WDR70: variants seen among roughly 807,000 people sequenced by gnomAD.
WDR70 encodes the protein WD repeat domain 70.
WDR70 carries 53 observed loss-of-function variants against 88.6 expected under a neutral mutation model. The ratio of observed to expected loss-of-function variants is 0.60; its 90% CI spans 0.48 to 0.75. The LOEUF (loss-of-function observed/expected upper bound fraction) is 0.75, where lower values mean the gene tolerates loss of function less well. Ranked by LOEUF, WDR70 falls within the 30% of genes least tolerant of loss-of-function variation. WDR70 has a pLI of 0.00. For missense variants in WDR70, 610 were observed against 823.2 expected, an observed-to-expected ratio of 0.74 and a Z score of 3.17; for synonymous variants, 280 against 270.0, an observed-to-expected ratio of 1.04 and a Z score of -0.36.
At chr5:37,602,518 A>G (rs1192591884) in intron 9 of WDR70, among the ~76,000 whole-genome samples, 3 of 151,756 alleles carry the variant, frequency 2.0e-5, no homozygotes, top group African/African-American at 7.3e-5. Flanking sequence ...GAGGCGGGAA[A>G]ATCACTTAAA....
intron 11 of WDR70, among the ~76,000 whole-genome samples, chr5:37,698,822 C>T (rs1044803482): frequency 1.3e-5 from 2 of 152,150 alleles, no homozygotes; most frequent in African/African-American, 4.8e-5. Context: ...GGAAACTTTA[C>T]TGTTGTATCT....
At position 37,724,963 on chromosome 5, in the gene WDR70, C is replaced by T. The variant is rs777475551; in HGVS notation, c.1627C>T (p.Arg543Cys). The T allele has an allele frequency of 6.2e-6, 10 of 1,613,622 alleles. No homozygotes were observed. The highest frequency in any genetic ancestry group is 8.5e-6 in the Non-Finnish European group (10 of 1,179,712). ...PHALPMFREP[R>C]QRSTRKQLEK... ...TGCCTTGCCTATGTTCCGTGAGCCC[C>T]GCCAACGGAGTACAAGGAAACAGCT... The change falls in exon 16 of 18, where the codon CGC becomes TGC. Residue 543 changes from arginine to cysteine, a missense_variant. Physicochemically the swap from Arg to Cys is radical, Grantham distance 180 (BLOSUM62 -3). Around this residue, in one of 4 missense-constraint regions of WDR70, gnomAD observed 254 missense variants for 300.7 expected, o/e 0.84. Coordinates refer to ENST00000265107, the MANE Select transcript of WDR70 (RefSeq NM_018034.4).
At chr5:37,542,723 C>G (rs1204036181) in intron 9 of WDR70, among the ~76,000 whole-genome samples, 1 of 152,052 alleles carries the variant, frequency 6.6e-6, no homozygotes, top group Non-Finnish European at 1.5e-5. Flanking sequence ...CTTATTTTCT[C>G]CCAAGAAAAG....
At chr5:37,710,103 G>T (rs1468987761) in intron 13 of WDR70, among the ~76,000 whole-genome samples, 1 of 152,084 alleles carries the variant, frequency 6.6e-6, no homozygotes, top group African/African-American at 2.4e-5. Context: ...TTTCTTGGTG[G>T]TTTAACTGTT....
chr5:37,564,806 TGTTA>T (rs1445154201), intron 9 of WDR70, among the ~76,000 whole-genome samples: 3 of 152,250 alleles, frequency 2.0e-5, no homozygotes, highest in African/African-American at 7.2e-5. Context: ...CCATTTATAC[TGTTA>T]GTTGCAGTTT....
At chr5:37,506,914 C>T in intron 8 of WDR70, 2 of 891,330 alleles carry the variant, frequency 2.2e-6, no homozygotes, top group South Asian at 1.3e-5. Context: ...TGGTCCTCCT[C>T]CCACCTTTTT....
At chr5:37,731,779 C>T (rs1279602355) in intron 17 of WDR70, among the ~76,000 whole-genome samples, 1 of 152,136 alleles carries the variant, frequency 6.6e-6, no homozygotes, top group Non-Finnish European at 1.5e-5. Flanking sequence ...TATAAATACT[C>T]TTTGCTGATT....
At chr5:37,600,282 C>G (rs925509161) in intron 9 of WDR70, among the ~76,000 whole-genome samples, 1 of 152,140 alleles carries the variant, frequency 6.6e-6, no homozygotes, top group Non-Finnish European at 1.5e-5. Flanking sequence ...AATCCCAGCA[C>G]TTTGGGAGGC....
At chr5:37,580,295 G>T (rs1743181748) in intron 9 of WDR70, among the ~76,000 whole-genome samples, 1 of 152,094 alleles carries the variant, frequency 6.6e-6, no homozygotes, top group Non-Finnish European at 1.5e-5. Flanking sequence ...TTTGTCTTTG[G>T]CCAACAGCTC....
chr5:37,445,209 C>A (rs948247120), intron 7 of WDR70, among the ~76,000 whole-genome samples: 1 of 151,932 alleles, frequency 6.6e-6, no homozygotes, highest in Non-Finnish European at 1.5e-5. Context: ...TAAGGTAAAT[C>A]CCTGGATTAA....
rs1241711963 is a variant in WDR70 at position 37,649,847 on chromosome 5, C to T, written c.1092+44609C>T. On this transcript the variant is annotated intron_variant, in intron 10 of 17. Coordinates refer to ENST00000265107, the MANE Select transcript of WDR70 (RefSeq NM_018034.4). ...CCGCCTCCCGGGTTCACGCCATTCT[C>T]CTGCCTCAGCCTCCCGAGTAGCTGG... Among the ~76,000 whole-genome samples, 13 of 142,028 alleles carry T rather than the reference C, an allele frequency of 9.2e-5. 1 individual carries two copies. The highest frequency in any genetic ancestry group is 8.5e-4 in the Admixed American group (12 of 14,100). The allele number at this position is 142,028 out of a possible 152,430, so 93.2% of individuals were successfully genotyped here.
chr5:37,582,594 A>G (rs896879507), intron 9 of WDR70, among the ~76,000 whole-genome samples: 1 of 152,228 alleles, frequency 6.6e-6, no homozygotes, highest in Non-Finnish European at 1.5e-5. Context: ...TGGGCAGATT[A>G]TATAACTTCT....
chr5:37,605,236 A>G lies in WDR70; in HGVS notation c.1090A>G (p.Thr364Ala), dbSNP rs771687684. ...CATACAGATCTGGGACCGAAATTTG[A>G]CTGTAAGTTAAATCTTTTCTTAGAA... is the stretch of plus-strand genomic sequence containing the variant. ...GSIQIWDRNLTVHPKFHYKQA... is the reference protein window; with the variant it reads ...GSIQIWDRNLAVHPKFHYKQA... The change falls in exon 10 of 18, where the codon ACT becomes GCT. Residue 364 changes from threonine to alanine, a missense_variant and splice_region_variant. By Grantham distance (58) the Thr-to-Ala change is moderately conservative. Coordinates refer to ENST00000265107, the MANE Select transcript of WDR70 (RefSeq NM_018034.4). 1 of 1,590,822 alleles carries G rather than the reference A, an allele frequency of 6.3e-7. No individual in the cohort carries two copies. The highest frequency in any genetic ancestry group is 8.6e-7 in the Non-Finnish European group (1 of 1,169,158).
At chr5:37,735,390 A>T (rs945222092) in intron 17 of WDR70, among the ~76,000 whole-genome samples, 1 of 152,148 alleles carries the variant, frequency 6.6e-6, no homozygotes, top group Non-Finnish European at 1.5e-5. Flanking sequence ...TCCTCACTTT[A>T]CATGTGAGGA....
At chr5:37,524,813 AG>A (rs1741209779) in intron 9 of WDR70, among the ~76,000 whole-genome samples, 1 of 152,228 alleles carries the variant, frequency 6.6e-6, no homozygotes. Context: ...GAAAACAAAA[AG>A]GTAGGGGTTG....
chr5:37,509,952 CT>C (rs1331164080), intron 8 of WDR70, among the ~76,000 whole-genome samples: 1 of 151,858 alleles, frequency 6.6e-6, no homozygotes, highest in Non-Finnish European at 1.5e-5. Context: ...GTCCCAACTA[CT>C]TGGGAGGGTG....
At chr5:37,691,725 A>G (rs1273441135) in intron 10 of WDR70, among the ~76,000 whole-genome samples, 1 of 152,242 alleles carries the variant, frequency 6.6e-6, no homozygotes, top group African/African-American at 2.4e-5. Context: ...GTAAAGGGAA[A>G]TTTATAGCAC....
At chr5:37,393,152 C>G (rs1306551080) in intron 4 of WDR70, among the ~76,000 whole-genome samples, 1 of 152,130 alleles carries the variant, frequency 6.6e-6, no homozygotes, top group Admixed American at 6.5e-5. Context: ...AAGCAGTTCT[C>G]TGCCTCAGCC....
intron 9 of WDR70, among the ~76,000 whole-genome samples, chr5:37,559,273 C>G (rs1035688195): frequency 6.6e-6 from 1 of 152,122 alleles, no homozygotes; most frequent in Admixed American, 6.5e-5. Context: ...CATCACTAAG[C>G]AAGATGTATT....
Sources: gnomAD v4.1 joint callset for allele counts (sites outside exome capture counted in the v4.1 genomes callset) on GRCh38, gnomAD v4.1.1 for gene constraint, gnomAD v4.1.1 regional missense constraint, MANE v1.5 for transcripts, NCBI Gene and HGNC (gene_info 2026-07-23, HGNC 2026-07-21) for gene names.